Variants in DLST observed in about 807,000 individuals in gnomAD.
DLST encodes dihydrolipoamide S-succinyltransferase, also known as dihydrolipoyllysine-residue succinyltransferase component of 2-oxoglutarate dehydrogenase complex, mitochondrial.
DLST carries 17 observed loss-of-function variants against 53.1 expected under a neutral mutation model. That is an observed-to-expected ratio of 0.32 (90% CI 0.22 to 0.48). The LOEUF (loss-of-function observed/expected upper bound fraction) is 0.48. Ranked by LOEUF, DLST falls within the 20% of genes least tolerant of loss-of-function variation. DLST has a pLI of 0.99. For synonymous variants in DLST, 206 were observed against 204.8 expected, an observed-to-expected ratio of 1.01 and a Z score of -0.05; for missense variants, 512 against 583.9, an observed-to-expected ratio of 0.88 and a Z score of 1.27.
At chr14:74,893,450 G>A in intron 9 of DLST, 26 bp downstream of exon 9, 2 of 1,613,716 alleles carry the variant, frequency 1.2e-6, no homozygotes, top group Non-Finnish European at 1.7e-6. Flanking sequence ...CCACTTTCAG[G>A]AAAGAGGCAG....
At position 74,902,833 on chromosome 14, in the gene DLST, G is replaced by C. The variant is rs902992925; in HGVS notation, c.*503G>C. 5 of 152,902 alleles carry C rather than the reference G, an allele frequency of 3.3e-5. No individual in the cohort carries two copies. The highest frequency in any genetic ancestry group is 3.4e-3 in the Middle Eastern group (1 of 294). 9.5% of individuals were successfully genotyped at this position (152,902 alleles called of 1,614,324 possible). On this transcript the variant is annotated 3_prime_UTR_variant, in exon 15 of 15. Transcript: ENST00000334220. The stretch of plus-strand genomic sequence containing the variant: ...TGGAGGGATTGAACACAGGCAAAGA[G>C]GTGCTGCTTTGCTTCTTCAATGGCA...
rs8014499 is a variant in DLST at position 74,903,430 on chromosome 14, C to T, written c.*1100C>T. The T allele has an allele frequency of 6.6e-6, 1 of 152,000 alleles. No homozygotes were observed. The highest frequency in any genetic ancestry group is 1.9e-4 in the East Asian group (1 of 5,184). The allele number at this position is 152,000 out of a possible 1,614,324, so 9.4% of individuals were successfully genotyped here. A position where few individuals can be genotyped will look rare whatever the true frequency, so the allele number is the denominator to read the frequency against. ...TACCTAGTGGTGAAACGGATGAGGTCATTTCTAAGGTGTGTTGCCCGTGGA... is the reference window on the plus strand; with the variant it reads ...TACCTAGTGGTGAAACGGATGAGGTTATTTCTAAGGTGTGTTGCCCGTGGA... On this transcript the variant is annotated 3_prime_UTR_variant, in exon 15 of 15. Coordinates refer to ENST00000334220, the MANE Select transcript of DLST (RefSeq NM_001933.5).
At chr14:74,890,421 ATTTAAC>A (rs1428396391) in intron 6 of DLST, among the ~76,000 whole-genome samples, 1 of 152,100 alleles carries the variant, frequency 6.6e-6, no homozygotes, top group Non-Finnish European at 1.5e-5. Flanking sequence ...CCTGACCTGC[ATTTAAC>A]TTTAAATTGT....
At chr14:74,887,048 CT>C (rs1172775081) in intron 3 of DLST, among the ~76,000 whole-genome samples, 3 of 152,118 alleles carry the variant, frequency 2.0e-5, no homozygotes, top group Admixed American at 2.0e-4. Flanking sequence ...CTGTGTGTTC[CT>C]TTTCATCTAG....
At chr14:74,899,892 T>TTAC (rs1263276025) in intron 11 of DLST, 31 bp from the exon 12 acceptor site, 1 of 1,562,780 alleles carries the variant, frequency 6.4e-7, no homozygotes, top group East Asian at 2.2e-5. Context: ...TCCTGGGGAG[T>TTAC]TGTATGTAAC....
chr14:74,886,112 G>A (rs1883694440), intron 3 of DLST: 1 of 155,834 alleles, frequency 6.4e-6, no homozygotes, highest in African/African-American at 2.4e-5. Context: ...GCAGAGTTTG[G>A]AGAAAGGCTA....
intron 1 of DLST, among the ~76,000 whole-genome samples, chr14:74,882,366 C>T (rs954723036): frequency 1.3e-5 from 2 of 152,188 alleles, no homozygotes; most frequent in Non-Finnish European, 2.9e-5. Context: ...TCGTCTTGCT[C>T]TGTTAAAATC....
intron 12 of DLST, 51 bp downstream of exon 12, chr14:74,900,047 CTG>C: frequency 1.4e-6 from 2 of 1,423,034 alleles, no homozygotes; most frequent in South Asian, 1.2e-5. Context: ...CTCACCTTAT[CTG>C]TGTGAAGGAG....
intron 6 of DLST, 144 bp downstream of exon 6, chr14:74,890,096 T>TA (rs5809682): frequency 0.23 from 100,655 of 432,030 alleles, 11,993 homozygotes; most frequent in African/African-American, 0.33. Context: ...TTGTTCAATT[T>TA]AAAAAAAAAA....
intron 10 of DLST, among the ~76,000 whole-genome samples, chr14:74,894,869 AGT>A (rs1175395433): frequency 6.6e-6 from 1 of 151,950 alleles, no homozygotes; most frequent in Non-Finnish European, 1.5e-5. Context: ...ACTTTCACAG[AGT>A]GAGCCGCTGG....
intron 11 of DLST, among the ~76,000 whole-genome samples, chr14:74,899,594 C>G (rs1236815370): frequency 6.6e-6 from 1 of 152,168 alleles, no homozygotes; most frequent in Non-Finnish European, 1.5e-5. Context: ...TAGTCATTCT[C>G]TGCTAAAGGA....
chr14:74,900,106 A>G, intron 12 of DLST, 110 bp downstream of exon 12: 1 of 1,120,648 alleles, frequency 8.9e-7, no homozygotes, highest in Non-Finnish European at 1.3e-6. Context: ...TTTAGAAGGG[A>G]GTTAGTAAAA....
chr14:74,888,992 C>T, intron 3 of DLST, 103 bp from the exon 4 acceptor site: 1 of 1,188,866 alleles, frequency 8.4e-7, no homozygotes, highest in Non-Finnish European at 1.2e-6. Flanking sequence ...CACCCCTGGT[C>T]AAGAGTCACT....
intron 13 of DLST, 109 bp from the exon 14 acceptor site, chr14:74,900,957 C>T: frequency 7.8e-7 from 1 of 1,281,314 alleles, no homozygotes; most frequent in Non-Finnish European, 1.1e-6. Context: ...AACTCCTGGC[C>T]TCAAGCAGTC....
intron 3 of DLST, chr14:74,885,888 T>A (rs1883686527): frequency 2.4e-6 from 1 of 410,974 alleles, no homozygotes; most frequent in African/African-American, 2.1e-5. Flanking sequence ...AAAGTTAAGT[T>A]GGAATCCTCT....
At chr14:74,896,743 A>G (rs1021058603) in intron 10 of DLST, among the ~76,000 whole-genome samples, 1 of 152,262 alleles carries the variant, frequency 6.6e-6, no homozygotes, top group African/African-American at 2.4e-5. Flanking sequence ...ATTGTACACA[A>G]ATTGAATTGG....
At chr14:74,889,993 C>G (rs368169591) in intron 6 of DLST, 41 bp downstream of exon 6, 42 of 1,586,206 alleles carry the variant, frequency 2.6e-5, no homozygotes, top group South Asian at 6.7e-5. Context: ...TCATGGGCTT[C>G]CCTTAGTTAA....
chr14:74,885,158 C>T (rs1883659373), intron 2 of DLST, among the ~76,000 whole-genome samples: 1 of 152,224 alleles, frequency 6.6e-6, no homozygotes, highest in Admixed American at 6.5e-5. Context: ...CAAACATCCT[C>T]CTTGCTTCTC....
intron 7 of DLST, chr14:74,891,438 T>C (rs1194788741): frequency 1.8e-6 from 2 of 1,107,896 alleles, no homozygotes; most frequent in African/African-American, 1.6e-5. Flanking sequence ...TTCTTATAGA[T>C]ATACAGATTG....
Sources: gnomAD v4.1 joint callset for allele counts (sites outside exome capture counted in the v4.1 genomes callset) on GRCh38, gnomAD v4.1.1 for gene constraint, MANE v1.5 for transcripts, NCBI Gene and HGNC (gene_info 2026-07-23, HGNC 2026-07-21) for gene names.